The following IDE variants were observed in gnomAD, a reference collection of about 807,000 sequenced individuals.
The protein encoded by IDE is insulin degrading enzyme, also known as insulin-degrading enzyme.
In IDE, 58 loss-of-function variants were observed where a neutral mutation model predicts 133.2. The observed-to-expected ratio is 0.44, with a 90% confidence interval of 0.35 to 0.54. The LOEUF (loss-of-function observed/expected upper bound fraction) is 0.54. Ranked by LOEUF, IDE falls within the 20% of genes least tolerant of loss-of-function variation. The pLI, the probability that IDE is intolerant of heterozygous loss-of-function variation, is 0.00. For synonymous variants in IDE, 396 were observed against 421.3 expected (o/e 0.94, Z 0.73); for missense variants, 981 against 1,234.0 (o/e 0.79, Z 3.07).
intron 1 of IDE, among the ~76,000 whole-genome samples, chr10:92,570,689 G>C (rs1843740148): frequency 6.6e-6 from 1 of 152,070 alleles, no homozygotes; most frequent in Non-Finnish European, 1.5e-5. Flanking sequence ...GGGAGGCAGG[G>C]GGATTGCTTC....
chr10:92,559,288 G>A (rs1455740244), intron 1 of IDE: 1 of 152,132 alleles, frequency 6.6e-6, no homozygotes, highest in Non-Finnish European at 1.5e-5. Context: ...CAAGAGAAAC[G>A]AAAATAAGTG....
rs192440807 is a variant in IDE, at chr10:92,494,003, A to G, written c.1431-3408T>C. ...AGTACAGACACCTATAGTATACACA[A>G]CCGCAGACAGTTGAGAAAAACTAGT... On this transcript the variant is annotated intron_variant, in intron 11 of 24. Coordinates refer to ENST00000265986, the MANE Select transcript of IDE (RefSeq NM_004969.4). Among the ~76,000 whole-genome samples the G allele has an allele frequency of 1.3e-3, 195 of 152,348 alleles. 1 individual carries two copies. The highest frequency in any genetic ancestry group is 3.7e-3 in the South Asian group (18 of 4,832).
At chr10:92,560,679 AG>A (rs1843237078) in intron 1 of IDE, among the ~76,000 whole-genome samples, 1 of 152,124 alleles carries the variant, frequency 6.6e-6, no homozygotes, top group Non-Finnish European at 1.5e-5. Flanking sequence ...GCTACTCAGG[AG>A]GCTGAGGCAG....
intron 1 of IDE, among the ~76,000 whole-genome samples, chr10:92,559,989 A>G (rs1843201990): frequency 6.6e-6 from 1 of 152,132 alleles, no homozygotes; most frequent in African/African-American, 2.4e-5. Flanking sequence ...CTCCTGCCTC[A>G]GTCTGGGAGT....
In IDE at chr10:92,474,936, C is replaced by T. The variant is rs1225946336; in HGVS notation, c.2021G>A (p.Arg674Gln). 7.4e-6 allele frequency: 12 copies of T among 1,612,064 alleles called. No homozygotes were observed. Among genetic ancestry groups the T allele is most frequent in the African/African-American group, 1.3e-5 (1 of 74,760 alleles). ...EAYMRSLNNF[R>Q]AEQPHQHAMY... is the part of the protein sequence containing the mutation. ...GGCATGCTGGTGAGGCTGTTCAGCCCGGAAATTGTTAAGAGATCGCATATA... is the reference window on the plus strand; with the variant it reads ...GGCATGCTGGTGAGGCTGTTCAGCCTGGAAATTGTTAAGAGATCGCATATA... The change falls in exon 17 of 25, where the codon CGG (arginine) becomes CAG (glutamine). Residue 674 changes from arginine (R) to glutamine (Q), a missense_variant. By Grantham distance (43) the Arg-to-Gln change is conservative. Coordinates refer to ENST00000265986, the MANE Select transcript of IDE (RefSeq NM_004969.4).
chr10:92,477,993 C>T (rs538842545), intron 15 of IDE, among the ~76,000 whole-genome samples: 1 of 152,056 alleles, frequency 6.6e-6, no homozygotes, highest in South Asian at 2.1e-4. Context: ...CAACGAGTAC[C>T]CCAAAATGCT....
At chr10:92,547,389 T>C (rs1842578441) in intron 1 of IDE, among the ~76,000 whole-genome samples, 1 of 152,106 alleles carries the variant, frequency 6.6e-6, no homozygotes. Flanking sequence ...TGGCCTGGTT[T>C]CTAAAGATCA....
At chr10:92,492,856 T>C (rs991198060) in intron 11 of IDE, among the ~76,000 whole-genome samples, 1 of 152,202 alleles carries the variant, frequency 6.6e-6, no homozygotes, top group Non-Finnish European at 1.5e-5. Context: ...TTTTATTCAT[T>C]CTAGACAAAA....
chr10:92,507,531 G>A (rs1450919245), intron 9 of IDE, 44 bp downstream of exon 9: 1 of 997,320 alleles, frequency 1.0e-6, no homozygotes, highest in Admixed American at 1.7e-5. Context: ...ATTTGCTCTT[G>A]AAAAACAGAT....
In IDE at chr10:92,507,606, C is replaced by A; in HGVS notation, c.1214G>T (p.Gly405Val). Residue 405 changes from glycine (G) to valine (V), a missense_variant, in exon 9 of 25, where the codon GGA becomes GTA. Gly to Val is a moderately radical substitution (Grantham distance 109). This residue lies in a region of IDE where 660 missense variants were observed against 894.7 expected (regional missense o/e 0.74). Coordinates refer to ENST00000265986, the MANE Select transcript of IDE (RefSeq NM_004969.4). ...FQYIQKLRAE[G>V]PQEWVFQECK... ...CTCTTGGAAAACCCATTCTTGAGGT[C>A]CTTCTGCACGTAACTTCTGAATGTA... 6.2e-7 allele frequency: 1 copy of A among 1,609,246 alleles called. No homozygotes were observed. The highest frequency in any genetic ancestry group is 1.1e-5 in the South Asian group (1 of 90,950).
At chr10:92,564,706 A>AAAAAAAC (rs1843443390) in intron 1 of IDE, among the ~76,000 whole-genome samples, 1 of 129,492 alleles carries the variant, frequency 7.7e-6, no homozygotes, top group Non-Finnish European at 1.7e-5. Context: ...AAAAAAAAAA[A>AAAAAAAC]AAAACTGAAA....
intron 18 of IDE, 88 bp from the exon 19 acceptor site, chr10:92,469,078 G>A (rs970988683): frequency 4.0e-6 from 3 of 744,164 alleles, no homozygotes; most frequent in African/African-American, 3.5e-5. Flanking sequence ...TCATAAAAGT[G>A]GATTCTAAAA....
intron 11 of IDE, among the ~76,000 whole-genome samples, chr10:92,496,770 A>C (rs1267801524): frequency 6.6e-6 from 1 of 152,230 alleles, no homozygotes; most frequent in Admixed American, 6.5e-5. Flanking sequence ...TGGGCAACAG[A>C]GCAAGACTCT....
chr10:92,497,014 G>C (rs1847746161), intron 11 of IDE, among the ~76,000 whole-genome samples: 2 of 152,194 alleles, frequency 1.3e-5, no homozygotes, highest in African/African-American at 4.8e-5. Flanking sequence ...CAGTAAATTA[G>C]GAATTGATCC....
intron 5 of IDE, among the ~76,000 whole-genome samples, chr10:92,513,525 G>A (rs1418524361): frequency 6.6e-6 from 1 of 151,998 alleles, no homozygotes; most frequent in African/African-American, 2.4e-5. Context: ...TTGTGGGGGG[G>A]ATATGTCTTG....
chr10:92,457,058 T>TA (rs1318486199), intron 22 of IDE, among the ~76,000 whole-genome samples: 3 of 151,930 alleles, frequency 2.0e-5, no homozygotes, highest in Admixed American at 6.6e-5. Context: ...CCAAGGAGAT[T>TA]AAAAAACTGC....
At chr10:92,502,923 T>A (rs1285134652) in intron 11 of IDE, among the ~76,000 whole-genome samples, 1 of 152,198 alleles carries the variant, frequency 6.6e-6, no homozygotes, top group Non-Finnish European at 1.5e-5. Flanking sequence ...GATTAGGCAA[T>A]AAATGGGGAC....
At chr10:92,492,424 T>C (rs1847411185) in intron 11 of IDE, among the ~76,000 whole-genome samples, 1 of 152,148 alleles carries the variant, frequency 6.6e-6, no homozygotes, top group Non-Finnish European at 1.5e-5. Flanking sequence ...ACACTCCGCC[T>C]CTACTGCCTT....
chr10:92,479,309 A>C lies in IDE; in HGVS notation c.1852T>G (p.Tyr618Asp). ...AYAAELAGLS[Y>D]DLQNTIYGMY... The stretch of plus-strand genomic sequence containing the variant: ...CCATAGATGGTATTTTGGAGATCAT[A>C]GCTCAAGCCTGCTAGCTCTGCTGCA... The change falls in exon 15 of 25, where the codon TAT (tyrosine) becomes GAT (aspartate). Residue 618 changes from tyrosine (Y) to aspartate (D), a missense_variant. Transcript: ENST00000265986. 1 of 1,613,640 alleles carries C rather than the reference A, an allele frequency of 6.2e-7. No homozygotes were observed.
Sources: allele counts gnomAD v4.1 joint callset (sites outside exome capture counted in the v4.1 genomes callset), GRCh38; gene constraint gnomAD v4.1.1; regional missense constraint gnomAD v4.1.1; transcripts MANE v1.5; gene names NCBI Gene and HGNC (gene_info 2026-07-23, HGNC 2026-07-21).